SUCLA2: variants seen among roughly 807,000 people sequenced by gnomAD.
SUCLA2 encodes the protein succinate-CoA ligase ADP-forming subunit beta, also known as succinate--CoA ligase [ADP-forming] subunit beta, mitochondrial.
A neutral mutation model predicts 54.8 loss-of-function variants in SUCLA2; 30 were observed. The ratio of observed to expected loss-of-function variants is 0.55; its 90% CI spans 0.41 to 0.74. SUCLA2 has a LOEUF of 0.74. SUCLA2 is among the 30% of genes least tolerant of loss of function. The pLI is 0.00. For synonymous variants in SUCLA2, 172 were observed against 188.9 expected (o/e 0.91, Z 0.74); for missense variants, 476 against 562.9 (o/e 0.85, Z 1.56).
intron 10 of SUCLA2, among the ~76,000 whole-genome samples, chr13:47,946,334 C>T (rs1949731124): frequency 6.6e-6 from 1 of 152,134 alleles, no homozygotes; most frequent in Admixed American, 6.6e-5. Flanking sequence ...ACATTCCCTG[C>T]AGATAAGGGG....
At chr13:47,959,657 G>A (rs1384250578) in intron 6 of SUCLA2, among the ~76,000 whole-genome samples, 1 of 152,088 alleles carries the variant, frequency 6.6e-6, no homozygotes, top group East Asian at 1.9e-4. Flanking sequence ...AGCTTTTCTG[G>A]TTTTCCAGTG....
chr13:48,000,852 C>G, intron 1 of SUCLA2: 1 of 1,167,726 alleles, frequency 8.6e-7, no homozygotes, highest in East Asian at 5.0e-5. Flanking sequence ...CCGTGCCAGA[C>G]GCCGGAATGG....
intron 4 of SUCLA2, among the ~76,000 whole-genome samples, chr13:47,982,124 G>T (rs181188465): frequency 5.1e-4 from 78 of 152,216 alleles, no homozygotes; most frequent in African/African-American, 1.9e-3. Context: ...ATGAAAACAG[G>T]ATCTCAAAGA....
chr13:48,000,894 A>ACTT, intron 1 of SUCLA2: 1 of 1,321,620 alleles, frequency 7.6e-7, no homozygotes, highest in Non-Finnish European at 9.7e-7. Flanking sequence ...CCTCACCTCC[A>ACTT]CTCAGAGCCC....
At chr13:47,987,587 T>C (rs1478208173) in intron 4 of SUCLA2, 1 of 152,120 alleles carries the variant, frequency 6.6e-6, no homozygotes, top group Admixed American at 6.5e-5. Flanking sequence ...TCTAGTGTTA[T>C]ATCTTTAGAA....
intron 10 of SUCLA2, among the ~76,000 whole-genome samples, chr13:47,943,766 G>GTATATATATATATATATATATATATATA (rs1555255588): frequency 5.7e-4 from 80 of 139,620 alleles, no homozygotes; most frequent in African/African-American, 1.8e-3. Context: ...GTGTGTGTGT[G>GTATATATATATATATATATATATATATA]TATATATATA....
chr13:47,966,486 T>C (rs918946824), intron 6 of SUCLA2, among the ~76,000 whole-genome samples: 23 of 150,688 alleles, frequency 1.5e-4, no homozygotes, highest in African/African-American at 7.3e-5. Flanking sequence ...ATAATTACAT[T>C]TAAGTTAGAT....
chr13:47,977,691 A>G (rs902310699), intron 4 of SUCLA2, among the ~76,000 whole-genome samples: 1 of 152,234 alleles, frequency 6.6e-6, no homozygotes, highest in African/African-American at 2.4e-5. Flanking sequence ...CTCAATTGAT[A>G]CATAAAAGGC....
At chr13:47,990,337 G>A (rs1389763315) in intron 2 of SUCLA2, among the ~76,000 whole-genome samples, 1 of 152,140 alleles carries the variant, frequency 6.6e-6, no homozygotes, top group Non-Finnish European at 1.5e-5. Flanking sequence ...GACAGAGCAA[G>A]GCTGTCTCAA....
At chr13:47,977,584 G>A (rs1950026548) in intron 4 of SUCLA2, among the ~76,000 whole-genome samples, 1 of 152,100 alleles carries the variant, frequency 6.6e-6, no homozygotes, top group African/African-American at 2.4e-5. Flanking sequence ...TCATGATCAA[G>A]TGGGACTTAA....
intron 6 of SUCLA2, among the ~76,000 whole-genome samples, chr13:47,956,401 C>A (rs1949821854): frequency 6.6e-6 from 1 of 152,030 alleles, no homozygotes; most frequent in African/African-American, 2.4e-5. Context: ...ACCTCAGTGA[C>A]CTCTTGGACA....
chr13:47,945,301 T>C (rs1370676073), intron 10 of SUCLA2, among the ~76,000 whole-genome samples: 1 of 146,400 alleles, frequency 6.8e-6, no homozygotes, highest in Non-Finnish European at 1.5e-5. Flanking sequence ...CACACACCTG[T>C]AGTCTCAGCT....
chr13:47,996,544 T>TA (rs1307749354), intron 2 of SUCLA2, among the ~76,000 whole-genome samples: 2 of 151,852 alleles, frequency 1.3e-5, no homozygotes, highest in Non-Finnish European at 2.9e-5. Context: ...CCAGAGTAGT[T>TA]AGAGTGGTAG....
Position 47,954,673 on chromosome 13 carries a change from T to C in SUCLA2, c.803-116A>G, listed in dbSNP as rs1323285776. The C allele has an allele frequency of 1.4e-5, 16 of 1,117,860 alleles. No individual in the cohort carries two copies. The East Asian group carries it at 4.1e-4, about 28-fold the overall frequency. 69.2% of individuals were successfully genotyped at this position (1,117,860 alleles called of 1,614,324 possible). ...GACACATTTTAATTTTGTTACTTAA[T>C]GAAAATATTTCAATTTATGTTCACT... On this transcript the variant is annotated intron_variant, in intron 6 of 10. Transcript: ENST00000646932.
chr13:47,985,422 G>C (rs1207235981), intron 4 of SUCLA2, among the ~76,000 whole-genome samples: 1 of 113,914 alleles, frequency 8.8e-6, no homozygotes, highest in Non-Finnish European at 1.8e-5. Flanking sequence ...AGTGTGTGTT[G>C]ATCCCCACCT....
intron 2 of SUCLA2, chr13:47,994,848 T>C: frequency 2.0e-6 from 2 of 985,396 alleles, no homozygotes; most frequent in Non-Finnish European, 2.4e-6. Context: ...TTGCCAGAAA[T>C]ACTCATAGTT....
At chr13:47,950,277 T>C (rs1483649989) in intron 8 of SUCLA2, among the ~76,000 whole-genome samples, 1 of 152,134 alleles carries the variant, frequency 6.6e-6, no homozygotes, top group African/African-American at 2.4e-5. Context: ...GCTCACTACA[T>C]AAAGGATAAT....
intron 2 of SUCLA2, among the ~76,000 whole-genome samples, chr13:47,995,914 T>C (rs115711096): frequency 0.011 from 1,710 of 152,346 alleles, 37 homozygotes; most frequent in African/African-American, 0.038. Flanking sequence ...AGGAATCTGC[T>C]AATAAACATG....
rs542814519 is a variant in SUCLA2, at chr13:48,001,253, A to T, written c.17T>A (p.Phe6Tyr). 1.2e-6 allele frequency: 2 copies of T among 1,604,724 alleles called. No individual in the cohort carries two copies. The highest frequency in any genetic ancestry group is 4.5e-5 in the East Asian group (2 of 44,522). ...GGCCACGGCCACTAGCCTGCCGTAG[A>T]ACATGGAGGCCGCCATTTCTGAGTC... Reference protein sequence around the residue: MAASMFYGRLVAVATL... With the variant: MAASMYYGRLVAVATL... Residue 6 changes from phenylalanine (F) to tyrosine (Y), a missense_variant, in exon 1 of 11, where the codon TTC becomes TAC. This residue lies in a region of SUCLA2 where 134 missense variants were observed against 118.7 expected (regional missense o/e 1.13). Transcript: ENST00000646932.
Sources: allele counts gnomAD v4.1 joint callset (sites outside exome capture counted in the v4.1 genomes callset), GRCh38; gene constraint gnomAD v4.1.1; regional missense constraint gnomAD v4.1.1; transcripts MANE v1.5; gene names NCBI Gene and HGNC (gene_info 2026-07-23, HGNC 2026-07-21).